NBAS: variants seen among roughly 807,000 people sequenced by gnomAD.
The protein encoded by NBAS is NBAS subunit of NRZ tethering complex.
A neutral mutation model predicts 302.5 loss-of-function variants in NBAS; 219 were observed. That is an observed-to-expected ratio of 0.72 (90% CI 0.65 to 0.81). NBAS has a LOEUF of 0.81. Among genes scored for constraint, NBAS ranks in the 30% least tolerant of loss-of-function variants. The pLI is 0.00. For missense variants in NBAS, 2,932 were observed against 2,841.6 expected (o/e 1.03, Z -0.72); for synonymous variants, 1,118 against 1,021.6 (o/e 1.09, Z -1.80).
intron 15 of NBAS, among the ~76,000 whole-genome samples, 185 bp downstream of exon 15, chr2:15,473,864 TTTTTATCCATGGTTTTGA>T (rs1403208771): frequency 6.6e-6 from 1 of 152,232 alleles, no homozygotes; most frequent in Non-Finnish European, 1.5e-5. Context: ...GTGAATTCAA[TTTTTATCCATGGTTTTGA>T]TTTTGATTAT....
chr2:14,815,597 T>C, the NBAS span, among the ~76,000 whole-genome samples: 1 of 152,220 alleles, frequency 6.6e-6, no homozygotes, highest in African/African-American at 2.4e-5. Flanking sequence ...ATTGGAAAAC[T>C]CAATCACCTT....
the NBAS span, among the ~76,000 whole-genome samples, chr2:15,059,897 T>C: frequency 1.3e-5 from 2 of 148,482 alleles, no homozygotes; most frequent in Non-Finnish European, 3.0e-5. Context: ...CAGGAAAGCA[T>C]GTATTTGTAG....
At chr2:15,035,143 T>C in the NBAS span, among the ~76,000 whole-genome samples, 1 of 150,040 alleles carries the variant, frequency 6.7e-6, no homozygotes, top group Non-Finnish European at 1.5e-5. Flanking sequence ...CAGTTTTCAC[T>C]CTTACAAACA....
rs368270961 is a variant in NBAS, at chr2:15,379,862, T to C, written c.3361-31A>G. The C allele has an allele frequency of 1.3e-5, 21 of 1,587,236 alleles. No homozygotes were observed. The African/African-American group carries it at 1.6e-4, about 12-fold the overall frequency. On this transcript the variant is annotated intron_variant, in intron 29 of 51. Transcript: ENST00000281513. ...AAAAAGGAGAAACTGGAATTAGTTA[T>C]AGAGAGGGAAGATTCAGTTCTCAGT...
chr2:14,843,972 A>T, the NBAS span, among the ~76,000 whole-genome samples: 3 of 152,100 alleles, frequency 2.0e-5, no homozygotes, highest in Admixed American at 2.0e-4. Context: ...AGTCTAGGCC[A>T]CAAGGACTGC....
chr2:15,267,840 G>A (rs1669146483), intron 44 of NBAS, among the ~76,000 whole-genome samples: 1 of 152,046 alleles, frequency 6.6e-6, no homozygotes, highest in South Asian at 2.1e-4. Context: ...AAATATGTAT[G>A]TACATATGAC....
the NBAS span, among the ~76,000 whole-genome samples, chr2:15,126,900 A>G: frequency 6.6e-6 from 1 of 152,202 alleles, no homozygotes; most frequent in African/African-American, 2.4e-5. Context: ...AAAGGAGGAA[A>G]TAGAGGTACC....
At chr2:14,942,124 G>T in the NBAS span, among the ~76,000 whole-genome samples, 1 of 152,170 alleles carries the variant, frequency 6.6e-6, no homozygotes. Context: ...TTTTCCAAAA[G>T]TTTATCAGAG....
At chr2:15,129,698 G>A in the NBAS span, among the ~76,000 whole-genome samples, 1 of 152,088 alleles carries the variant, frequency 6.6e-6, no homozygotes, top group Non-Finnish European at 1.5e-5. Flanking sequence ...TCAGAACCTG[G>A]CTCAGTTCCT....
In NBAS at chr2:15,394,267, G is replaced by T. The variant is rs147322367; in HGVS notation, c.3217C>A (p.Arg1073Ser). Residue 1073 changes from arginine to serine, a missense_variant, in exon 28 of 52, where the codon CGC becomes AGC. Transcript: ENST00000281513. ...KNTQSSSEEA[R>S]KLMVRLTRHT... Reference sequence around the variant, plus strand: ...CTCGTCAATCTAACCATCAGCTTGCGTGCCTCTTCTGAGCTAGATTGAGTG... The same window carrying T: ...CTCGTCAATCTAACCATCAGCTTGCTTGCCTCTTCTGAGCTAGATTGAGTG... 6 of 1,612,296 alleles carry T rather than the reference G, an allele frequency of 3.7e-6. No individual in the cohort carries two copies. Among genetic ancestry groups the T allele is most frequent in the South Asian group, 1.1e-5 (1 of 90,964 alleles).
At chr2:15,156,338 G>A in the NBAS span, among the ~76,000 whole-genome samples, 59 of 152,316 alleles carry the variant, frequency 3.9e-4, no homozygotes, top group Non-Finnish European at 7.2e-4. Flanking sequence ...GCACAGGAGT[G>A]TGAGGTTGGC....
chr2:15,213,150 T>C (rs1666495408), intron 48 of NBAS, among the ~76,000 whole-genome samples: 1 of 152,228 alleles, frequency 6.6e-6, no homozygotes, highest in Admixed American at 6.5e-5. Flanking sequence ...TACTAACTTT[T>C]CCAAGCTCAC....
At chr2:15,521,340 G>C (rs989827804) in intron 9 of NBAS, among the ~76,000 whole-genome samples, 1 of 152,084 alleles carries the variant, frequency 6.6e-6, no homozygotes, top group Non-Finnish European at 1.5e-5. Context: ...TAATTTCACC[G>C]AAGAAAAGTT....
At chr2:14,915,212 G>A in the NBAS span, among the ~76,000 whole-genome samples, 1 of 152,202 alleles carries the variant, frequency 6.6e-6, no homozygotes, top group Admixed American at 6.5e-5. Context: ...ATCAAAGGTT[G>A]CTGGTGAAAG....
chr2:14,803,518 T>C, the NBAS span, among the ~76,000 whole-genome samples: 1 of 152,218 alleles, frequency 6.6e-6, no homozygotes, highest in Non-Finnish European at 1.5e-5. Flanking sequence ...TTTCCCCAGG[T>C]AGTAAGCTGA....
At chr2:15,099,201 G>T in the NBAS span, among the ~76,000 whole-genome samples, 4 of 151,964 alleles carry the variant, frequency 2.6e-5, no homozygotes, top group African/African-American at 9.7e-5. Context: ...TACTCAGAAG[G>T]CTGAGGCAGG....
the NBAS span, among the ~76,000 whole-genome samples, chr2:15,144,184 C>G: frequency 6.6e-6 from 1 of 151,720 alleles, no homozygotes; most frequent in Non-Finnish European, 1.5e-5. Flanking sequence ...CACATATGCA[C>G]ACACAGTGTC....
the NBAS span, among the ~76,000 whole-genome samples, chr2:14,896,999 C>T: frequency 9.2e-5 from 14 of 151,928 alleles, no homozygotes; most frequent in South Asian, 2.7e-3. Context: ...ATCTCAGGAG[C>T]TTCTGTGGCT....
intron 9 of NBAS, among the ~76,000 whole-genome samples, chr2:15,522,776 C>T (rs956513933): frequency 6.6e-6 from 1 of 152,234 alleles, no homozygotes; most frequent in East Asian, 1.9e-4. Flanking sequence ...CCACGTATAA[C>T]TTTTGACTGC....
Sources: gnomAD v4.1 joint callset for allele counts (sites outside exome capture counted in the v4.1 genomes callset) on GRCh38, gnomAD v4.1.1 for gene constraint, MANE v1.5 for transcripts, NCBI Gene and HGNC (gene_info 2026-07-23, HGNC 2026-07-21) for gene names.